Variants in THAP8 observed in about 807,000 individuals in gnomAD.
THAP8 encodes THAP domain containing 8.
Under a neutral mutation model 25.0 loss-of-function variants are expected in THAP8, and 24 were observed. That is an observed-to-expected ratio of 0.96 (90% CI 0.69 to 1.35). THAP8 has a LOEUF of 1.35. Ranked by LOEUF, THAP8 falls within the 40% of genes most tolerant of loss-of-function variation. The pLI, the probability that THAP8 is intolerant of heterozygous loss-of-function variation, is 0.00. For synonymous variants in THAP8, 169 were observed against 157.6 expected (o/e 1.07, Z -0.54); for missense variants, 399 against 368.8 (o/e 1.08, Z -0.67).
In THAP8 at chr19:36,039,435, A is replaced by G; in HGVS notation, c.560T>C (p.Leu187Pro). 1.9e-6 allele frequency: 3 copies of G among 1,586,288 alleles called. No individual in the cohort carries two copies. The highest frequency in any genetic ancestry group is 2.6e-6 in the Non-Finnish European group (3 of 1,166,416). ...CTGGTGCCGCTCCTGGCACCGTTGCAGCCTCCGCACCCGGCGTTGCAGTGC... is the reference window on the plus strand; with the variant it reads ...CTGGTGCCGCTCCTGGCACCGTTGCGGCCTCCGCACCCGGCGTTGCAGTGC... ...LGALQRRVRR[L>P]QRCQERHQAQ... The change falls in exon 3 of 4, where the codon CTG becomes CCG. Residue 187 changes from leucine to proline, a missense_variant. By Grantham distance (98) the Leu-to-Pro change is moderately conservative. Coordinates refer to ENST00000292894, the MANE Select transcript of THAP8 (RefSeq NM_152658.3).
At chr19:36,041,624 C>A (rs973400428) in intron 1 of THAP8, among the ~76,000 whole-genome samples, 10 of 152,146 alleles carry the variant, frequency 6.6e-5, no homozygotes, top group African/African-American at 2.4e-4. Context: ...TAACCTGATT[C>A]AAAAATGGGC....
At chr19:36,036,085 G>C (rs994435111) in intron 3 of THAP8, among the ~76,000 whole-genome samples, 13 of 151,942 alleles carry the variant, frequency 8.6e-5, no homozygotes, top group Non-Finnish European at 7.4e-5. Context: ...GATCTGGCAG[G>C]CTCCACAAAG....
chr19:36,037,196 G>A lies in THAP8; in HGVS notation c.673-1604C>T, dbSNP rs138355769. On this transcript the variant is annotated intron_variant, in intron 3 of 3. Transcript: ENST00000292894. ...ACACCATTCCTCATCTTCCTCCCCC[G>A]CCACCCCACACACAGAGACATAACA... Among the ~76,000 whole-genome samples, 292 of 146,352 alleles carry A rather than the reference G, an allele frequency of 2.0e-3. 5 individuals carry two copies. Among genetic ancestry groups the A allele is most frequent in the African/African-American group, 7.1e-3 (280 of 39,304 alleles).
intron 1 of THAP8, among the ~76,000 whole-genome samples, chr19:36,040,921 G>A (rs992864917): frequency 3.3e-5 from 5 of 152,134 alleles, no homozygotes; most frequent in African/African-American, 9.7e-5. Context: ...CAGCACAAAC[G>A]CAGGATGTGG....
chr19:36,042,689 G>A (rs948376263), intron 1 of THAP8, among the ~76,000 whole-genome samples: 14 of 152,192 alleles, frequency 9.2e-5, no homozygotes, highest in Non-Finnish European at 2.1e-4. Context: ...GCCAAAAGGT[G>A]GAAGTGTCTA....
chr19:36,035,947 G>A (rs1460762613), intron 3 of THAP8, among the ~76,000 whole-genome samples: 3 of 152,230 alleles, frequency 2.0e-5, no homozygotes, highest in East Asian at 1.9e-4. Context: ...AACAGGTGGC[G>A]GACAGAGATG....
intron 1 of THAP8, among the ~76,000 whole-genome samples, chr19:36,042,828 G>A (rs549024849): frequency 1.3e-5 from 2 of 152,226 alleles, no homozygotes; most frequent in Admixed American, 6.5e-5. Context: ...GTGCCATGGC[G>A]CAATCTCGGC....
upstream of THAP8, chr19:36,054,292 GC>G: frequency 6.6e-7 from 1 of 1,512,252 alleles, no homozygotes; most frequent in Non-Finnish European, 9.0e-7. Flanking sequence ...GCCTAACCCC[GC>G]CCCACCCGCG....
intron 1 of THAP8, among the ~76,000 whole-genome samples, chr19:36,052,800 T>C (rs56034793): frequency 0.47 from 71,822 of 152,124 alleles, 17,753 homozygotes; most frequent in African/African-American, 0.61. Flanking sequence ...TCTTACTTGA[T>C]GTGATTTCAA....
chr19:36,040,359 A>G (rs1165578279), intron 1 of THAP8, among the ~76,000 whole-genome samples: 4 of 152,072 alleles, frequency 2.6e-5, no homozygotes, highest in Non-Finnish European at 5.9e-5. Flanking sequence ...GGGGTTTCGC[A>G]CTTGTCACCC....
chr19:36,035,171 C>T lies in THAP8; in HGVS notation c.*269G>A, dbSNP rs899286401. 84 of 397,480 alleles carry T rather than the reference C, an allele frequency of 2.1e-4. No individual in the cohort carries two copies. The highest frequency in any genetic ancestry group is 1.5e-3 in the African/African-American group (76 of 50,064). The allele number at this position is 397,480 out of a possible 1,614,324, so 24.6% of individuals were successfully genotyped here. A position where few individuals can be genotyped will look rare whatever the true frequency, so the allele number is the denominator to read the frequency against. On this transcript the variant is annotated 3_prime_UTR_variant, in exon 4 of 4. Coordinates refer to ENST00000292894, the MANE Select transcript of THAP8 (RefSeq NM_152658.3). ...ATTCTCCCAAACAACCCTTGCTCTG[C>T]TCTGAGGCTGTCGTACTGATTTGCA...
At chr19:36,048,916 T>C (rs961611526) in intron 1 of THAP8, among the ~76,000 whole-genome samples, 5 of 151,222 alleles carry the variant, frequency 3.3e-5, no homozygotes, top group African/African-American at 1.2e-4. Context: ...AGTTTGTTTG[T>C]GCAGCATAAC....
intron 1 of THAP8, among the ~76,000 whole-genome samples, chr19:36,045,064 T>A (rs1225582432): frequency 2.0e-5 from 3 of 149,478 alleles, no homozygotes; most frequent in African/African-American, 7.5e-5. Flanking sequence ...AAACTGTGAC[T>A]ATTACTTTAT....
At chr19:36,037,536 C>T (rs542435865) in intron 3 of THAP8, among the ~76,000 whole-genome samples, 1 of 152,286 alleles carries the variant, frequency 6.6e-6, no homozygotes, top group East Asian at 1.9e-4. Flanking sequence ...GGCCCTGAAA[C>T]ATGTTGGCTG....
chr19:36,037,046 C>A (rs1969479958), intron 3 of THAP8, among the ~76,000 whole-genome samples: 1 of 151,746 alleles, frequency 6.6e-6, no homozygotes, highest in Non-Finnish European at 1.5e-5. Flanking sequence ...TCTGTGTGGG[C>A]ATCTCTCTCA....
At chr19:36,053,093 G>C (rs898700689) in intron 1 of THAP8, among the ~76,000 whole-genome samples, 1 of 151,750 alleles carries the variant, frequency 6.6e-6, no homozygotes, top group Non-Finnish European at 1.5e-5. Flanking sequence ...TTGAGACGGA[G>C]TCTCACTCTT....
rs1415078945 is a variant in THAP8, at chr19:36,039,929, C to T, written c.276+15G>A. 6.2e-7 allele frequency: 1 copy of T among 1,611,486 alleles called. No homozygotes were observed. ...TGGGGGTTGGATTCCAGCAGCAGGA[C>T]CTCCCAGCGCTCACCTTGGCAGGTG... On this transcript the variant is annotated intron_variant, in intron 2 of 3. Coordinates refer to ENST00000292894, the MANE Select transcript of THAP8 (RefSeq NM_152658.3).
intron 1 of THAP8, among the ~76,000 whole-genome samples, chr19:36,040,477 C>G (rs1969653796): frequency 6.6e-6 from 1 of 152,122 alleles, no homozygotes; most frequent in Admixed American, 6.6e-5. Context: ...CAGGCGCACG[C>G]CACCACGCCC....
At chr19:36,054,477 C>G (rs915852261), upstream of THAP8, 19 of 584,466 alleles carry the variant, frequency 3.3e-5, no homozygotes, top group South Asian at 2.4e-4. Context: ...TTCGTCACCC[C>G]GACTTTCATC....
Sources: allele counts gnomAD v4.1 joint callset (sites outside exome capture counted in the v4.1 genomes callset), GRCh38; gene constraint gnomAD v4.1.1; transcripts MANE v1.5; gene names NCBI Gene and HGNC (gene_info 2026-07-23, HGNC 2026-07-21).